CCDC7: variants seen among roughly 807,000 people sequenced by gnomAD.
CCDC7 encodes the protein coiled-coil domain containing 7.
CCDC7 carries 183 observed loss-of-function variants against 196.9 expected under a neutral mutation model. That is an observed-to-expected ratio of 0.93 (90% CI 0.82 to 1.05). The LOEUF (loss-of-function observed/expected upper bound fraction) is 1.05. Ranked by LOEUF, CCDC7 falls within the 50% of genes least tolerant of loss-of-function variation. CCDC7 has a pLI of 0.00. For synonymous variants in CCDC7, 525 were observed against 484.6 expected, an observed-to-expected ratio of 1.08 and a Z score of -1.10; for missense variants, 1,540 against 1,482.2, an observed-to-expected ratio of 1.04 and a Z score of -0.64.
intron 11 of CCDC7, among the ~76,000 whole-genome samples, chr10:32,539,454 AT>A (rs759106046): frequency 1.9e-4 from 29 of 150,608 alleles, no homozygotes; most frequent in Non-Finnish European, 2.8e-4. Context: ...CTATCTTATT[AT>A]TTTTTTTTAT....
In CCDC7 at chr10:32,731,946, G is replaced by C. The variant is rs201838230; in HGVS notation, c.2905+2489G>C. On this transcript the variant is annotated intron_variant, in intron 28 of 41. Transcript: ENST00000639629. ...CACGCGCCTGTAGTCCCGGCTACTT[G>C]GGAGGCTGAGACAGGAGAATTGCTT... is the stretch of plus-strand genomic sequence containing the variant. Among the ~76,000 whole-genome samples the C allele has an allele frequency of 2.6e-5, 4 of 152,236 alleles. No homozygotes were observed. In the East Asian group the frequency reaches 7.7e-4, roughly 29 times the overall value.
intron 9 of CCDC7, 34 bp from the exon 11 acceptor site, chr10:32,517,911 A>T: frequency 6.3e-7 from 1 of 1,584,448 alleles, no homozygotes; most frequent in South Asian, 1.2e-5. Flanking sequence ...TAAATGTACA[A>T]TTATAAACAC....
chr10:32,461,305 G>A (rs2460702), intron 3 of CCDC7, among the ~76,000 whole-genome samples: 52,500 of 151,888 alleles, frequency 0.35, 11,474 homozygotes, highest in Non-Finnish European at 0.5. Context: ...GAGAACACTG[G>A]ACATTAGCCT....
At chr10:32,739,132 C>G (rs1356141673) in intron 28 of CCDC7, among the ~76,000 whole-genome samples, 1 of 151,892 alleles carries the variant, frequency 6.6e-6, no homozygotes, top group Non-Finnish European at 1.5e-5. Context: ...TTGCTATTGA[C>G]CATTTTTTAT....
intron 18 of CCDC7, among the ~76,000 whole-genome samples, chr10:32,624,413 G>A (rs890479713): frequency 6.6e-6 from 1 of 152,140 alleles, no homozygotes; most frequent in Non-Finnish European, 1.5e-5. Context: ...CTACCAAATG[G>A]CATGCTGTTT....
intron 24 of CCDC7, among the ~76,000 whole-genome samples, chr10:32,706,079 C>T (rs916940823): frequency 1.3e-5 from 2 of 152,100 alleles, no homozygotes; most frequent in African/African-American, 4.8e-5. Flanking sequence ...GTAAAGCACT[C>T]CTCAGCAAAT....
chr10:32,502,581 T>C (rs944330912), intron 9 of CCDC7, among the ~76,000 whole-genome samples: 2 of 152,176 alleles, frequency 1.3e-5, no homozygotes, highest in Admixed American at 6.6e-5. Context: ...TATTAGATTT[T>C]GAGATAATGT....
At chr10:32,715,741 A>T (rs2081474003) in intron 25 of CCDC7, among the ~76,000 whole-genome samples, 1 of 152,224 alleles carries the variant, frequency 6.6e-6, no homozygotes, top group Admixed American at 6.5e-5. Flanking sequence ...CAGCACGAGA[A>T]CTTTGTGAAG....
At chr10:32,828,489 G>GAAT in intron 32 of CCDC7, among the ~76,000 whole-genome samples, 1 of 60,914 alleles carries the variant, frequency 1.6e-5, no homozygotes, top group South Asian at 6.3e-4. Context: ...GGAAGAGGAA[G>GAAT]AAGAAGAAGA....
chr10:32,651,221 G>A (rs2068700765), intron 20 of CCDC7, among the ~76,000 whole-genome samples: 2 of 152,154 alleles, frequency 1.3e-5, no homozygotes, highest in Non-Finnish European at 2.9e-5. Flanking sequence ...GTAAGATTGA[G>A]CAGTCTCCCA....
chr10:32,759,614 C>A lies in CCDC7; in HGVS notation c.2906-19363C>A, dbSNP rs1026604281. On this transcript the variant is annotated intron_variant, in intron 28 of 41. Transcript: ENST00000639629. ...TAATTCAAGATGGATTAAAGACTTACATGGTAGACCTAATACCATAAAAAC... is the reference window on the plus strand; with the variant it reads ...TAATTCAAGATGGATTAAAGACTTAAATGGTAGACCTAATACCATAAAAAC... Among the ~76,000 whole-genome samples the A allele has an allele frequency of 8.5e-5, 13 of 152,160 alleles. No individual in the cohort carries two copies. In the East Asian group the frequency reaches 1.2e-3, roughly 14 times the overall value.
chr10:32,729,382 C>A, exon 28 of CCDC7: 1 of 1,541,196 alleles, frequency 6.5e-7, no homozygotes, highest in South Asian at 1.2e-5. Flanking sequence ...ACATCTGTTG[C>A]CTGAGGAGAA....
At chr10:32,497,234 G>A (rs767519855) in intron 9 of CCDC7, among the ~76,000 whole-genome samples, 10 of 152,174 alleles carry the variant, frequency 6.6e-5, no homozygotes, top group Non-Finnish European at 1.5e-4. Context: ...GATCTGTGGT[G>A]ATATTCCCTT....
intron 18 of CCDC7, among the ~76,000 whole-genome samples, chr10:32,631,016 A>G (rs1342008190): frequency 2.6e-5 from 4 of 152,188 alleles, no homozygotes; most frequent in Non-Finnish European, 5.9e-5. Flanking sequence ...TTCAGAATCC[A>G]GCTGCCATTC....
chr10:32,864,013 C>T (rs1215358698), intron 41 of CCDC7, among the ~76,000 whole-genome samples: 6 of 150,136 alleles, frequency 4.0e-5, no homozygotes, highest in South Asian at 4.2e-4. Context: ...ATTTGCAAAC[C>T]GTATAACTGA....
intron 40 of CCDC7, among the ~76,000 whole-genome samples, chr10:32,852,746 A>AT (rs1037371746): frequency 1.3e-4 from 20 of 152,184 alleles, no homozygotes; most frequent in African/African-American, 2.7e-4. Context: ...ACTTTTACTT[A>AT]TTTTTTTACT....
intron 28 of CCDC7, among the ~76,000 whole-genome samples, chr10:32,754,201 A>T (rs2076070423): frequency 6.6e-6 from 1 of 152,192 alleles, no homozygotes; most frequent in Admixed American, 6.5e-5. Context: ...AATCAAATAA[A>T]AGAAAATTTA....
At chr10:32,844,540 G>A (rs1159784337) in intron 33 of CCDC7, among the ~76,000 whole-genome samples, 1 of 151,770 alleles carries the variant, frequency 6.6e-6, no homozygotes, top group Non-Finnish European at 1.5e-5. Context: ...AAAATGTTAT[G>A]TTTTATCTCA....
chr10:32,703,513 G>A (rs2079130161), intron 24 of CCDC7, among the ~76,000 whole-genome samples: 1 of 151,946 alleles, frequency 6.6e-6, no homozygotes, highest in Non-Finnish European at 1.5e-5. Flanking sequence ...TGTTCTCGAG[G>A]AGTATCTTTG....
Sources: gnomAD v4.1 joint callset for allele counts (sites outside exome capture counted in the v4.1 genomes callset) on GRCh38, gnomAD v4.1.1 for gene constraint, MANE v1.5 for transcripts, NCBI Gene and HGNC (gene_info 2026-07-23, HGNC 2026-07-21) for gene names.